TSPAN1: variants seen among roughly 807,000 people sequenced by gnomAD.
TSPAN1 encodes tetraspanin-1.
Under a neutral mutation model 26.9 loss-of-function variants are expected in TSPAN1, and 23 were observed. The ratio of observed to expected loss-of-function variants is 0.85; its 90% CI spans 0.62 to 1.21. The LOEUF is 1.21. Ranked by LOEUF, TSPAN1 falls within the 50% of genes most tolerant of loss-of-function variation. The pLI is 0.00. For missense variants in TSPAN1, 283 were observed against 298.4 expected (o/e 0.95, Z 0.38); for synonymous variants, 115 against 114.8 (o/e 1.00, Z -0.01).
downstream of TSPAN1, chr1:46,190,523 G>A (rs2148172583): frequency 6.2e-7 from 1 of 1,603,418 alleles, no homozygotes; most frequent in Non-Finnish European, 8.5e-7. Context: ...TCAGACTGAA[G>A]AGGAGGGAGA....
At chr1:46,183,942 C>T in intron 3 of TSPAN1, 1 of 560,440 alleles carries the variant, frequency 1.8e-6, no homozygotes, top group Non-Finnish European at 3.2e-6. Context: ...TCTGCCCACC[C>T]TGAGGATATT....
At chr1:46,176,585 G>T in intron 1 of TSPAN1, 1 of 1,313,946 alleles carries the variant, frequency 7.6e-7, no homozygotes, top group Non-Finnish European at 1.0e-6. Flanking sequence ...CAAGTCGTGG[G>T]CCCTGGCCCC....
downstream of TSPAN1, chr1:46,189,032 G>C (rs1322611013): frequency 1.3e-6 from 2 of 1,571,536 alleles, no homozygotes; most frequent in Non-Finnish European, 8.6e-7. Flanking sequence ...GGATCGTAAT[G>C]ATTCCCAGGT....
Position 46,178,426 on chromosome 1 carries a change from G to A in TSPAN1, c.-141-2100G>A, listed in dbSNP as rs140264116. Among the ~76,000 whole-genome samples the A allele has an allele frequency of 3.6e-3, 531 of 145,776 alleles. 3 individuals carry two copies. The highest frequency in any genetic ancestry group is 0.027 in the East Asian group (133 of 4,980). Reference sequence around the variant, plus strand: ...CCCTTCTTCCTTTCCCCCTTACTCTGCTCCTCAAATGCCCCCTTCCCAACT... The same window carrying A: ...CCCTTCTTCCTTTCCCCCTTACTCTACTCCTCAAATGCCCCCTTCCCAACT... On this transcript the variant is annotated intron_variant, in intron 1 of 8. Transcript: ENST00000372003.
chr1:46,188,885 G>A, downstream of TSPAN1: 1 of 1,612,860 alleles, frequency 6.2e-7, no homozygotes, highest in Non-Finnish European at 8.5e-7. Context: ...CCTCAGGGCA[G>A]CATTCCAGCC....
chr1:46,188,256 A>G (rs886155074), downstream of TSPAN1, among the ~76,000 whole-genome samples: 4 of 152,132 alleles, frequency 2.6e-5, no homozygotes, highest in Non-Finnish European at 2.9e-5. Flanking sequence ...CCGTCTCTTG[A>G]ATGATGCCTG....
chr1:46,189,646 C>A (rs901088791), downstream of TSPAN1: 7 of 1,558,770 alleles, frequency 4.5e-6, no homozygotes, highest in African/African-American at 8.1e-5. Flanking sequence ...TTGGCCCAGC[C>A]CCCACCCCTC....
downstream of TSPAN1, chr1:46,189,919 T>C (rs1049658707): frequency 1.9e-6 from 3 of 1,613,908 alleles, no homozygotes; most frequent in South Asian, 3.3e-5. Flanking sequence ...GCCACGTAGG[T>C]GTGGCCCTCT....
At chr1:46,189,092 C>T (rs1270532943), downstream of TSPAN1, 1 of 1,505,148 alleles carries the variant, frequency 6.6e-7, no homozygotes, top group Non-Finnish European at 8.8e-7. Context: ...ACTTTTAACT[C>T]AGGAACGGGG....
In TSPAN1 at chr1:46,185,743, G is replaced by T; in HGVS notation, c.*210G>T. 1.6e-6 allele frequency: 1 copy of T among 618,506 alleles called. No individual in the cohort carries two copies. Among genetic ancestry groups the T allele is most frequent in the Non-Finnish European group, 2.8e-6 (1 of 351,968 alleles). The allele number at this position is 618,506 out of a possible 1,614,324, so 38.3% of individuals were successfully genotyped here. On this transcript the variant is annotated 3_prime_UTR_variant, in exon 9 of 9. Coordinates refer to ENST00000372003, the MANE Select transcript of TSPAN1 (RefSeq NM_005727.4). ...TCCTTCCATTGGTGGGTGGATGGGT[G>T]GGGGGCATTCCAGAGCCTCTAAGGT...
rs141816531 is a variant in TSPAN1 at position 46,179,964 on chromosome 1, A to AGTGTGT, written c.-141-543_-141-538dup. The stretch of plus-strand genomic sequence containing the variant: ...GAGAGACAGAGAAAGAGAAAGAGGG[A>AGTGTGT]GTGTGTGTGTGTGTGTGTGTGTGTT... On this transcript the variant is annotated intron_variant, in intron 1 of 8. Coordinates refer to ENST00000372003, the MANE Select transcript of TSPAN1 (RefSeq NM_005727.4). Among the ~76,000 whole-genome samples the AGTGTGT allele has an allele frequency of 2.1e-3, 315 of 146,886 alleles. 1 individual carries two copies. Among genetic ancestry groups the AGTGTGT allele is most frequent in the African/African-American group, 7.3e-3 (291 of 39,822 alleles).
chr1:46,190,605 A>C (rs941984397), downstream of TSPAN1: 5 of 1,533,470 alleles, frequency 3.3e-6, no homozygotes, highest in Non-Finnish European at 4.5e-6. Context: ...GTCACATGGG[A>C]ATCTGTAGCC....
intron 1 of TSPAN1, among the ~76,000 whole-genome samples, chr1:46,178,373 C>G (rs1223770291): frequency 6.7e-6 from 1 of 149,978 alleles, no homozygotes; most frequent in African/African-American, 2.4e-5. Flanking sequence ...AAAAAATAGA[C>G]CTTCTCCTTC....
At chr1:46,182,800 G>T (rs1371904611) in intron 3 of TSPAN1, among the ~76,000 whole-genome samples, 7 of 150,752 alleles carry the variant, frequency 4.6e-5, no homozygotes, top group Non-Finnish European at 8.8e-5. Context: ...TGTTTTTGTT[G>T]TTGTTGTTGT....
chr1:46,186,674 T>TTG (rs1553162275), downstream of TSPAN1, among the ~76,000 whole-genome samples: 423 of 141,988 alleles, frequency 3.0e-3, 6 homozygotes, highest in African/African-American at 0.011. Context: ...GTTTTTTTTT[T>TTG]TTTTTTTTTG....
the TSPAN1 span, chr1:46,193,630 G>A: frequency 6.2e-7 from 1 of 1,614,196 alleles, no homozygotes; most frequent in East Asian, 2.2e-5. Context: ...AAAGCAGAGA[G>A]CGCAGCATCC....
chr1:46,189,145 T>C, downstream of TSPAN1: 1 of 1,497,054 alleles, frequency 6.7e-7, no homozygotes, highest in Non-Finnish European at 8.9e-7. Flanking sequence ...AGTAATTAAG[T>C]CTCATGTTAA....
Position 46,182,028 on chromosome 1 carries a change from A to T in TSPAN1, c.57+864A>T, listed in dbSNP as rs974513222. 1.1e-4 allele frequency among the ~76,000 whole-genome samples: 17 copies of T among 152,076 alleles called. 1 individual carries two copies. Among genetic ancestry groups the T allele is most frequent in the Admixed American group, 4.6e-4 (7 of 15,258 alleles). On this transcript the variant is annotated intron_variant, in intron 3 of 8. Coordinates refer to ENST00000372003, the MANE Select transcript of TSPAN1 (RefSeq NM_005727.4). Reference sequence around the variant, plus strand: ...GGACAAAGGACAAAGCTCTAGGATGATGGCTGAGGGGTAGAAGAAGGGGCA... The same window carrying T: ...GGACAAAGGACAAAGCTCTAGGATGTTGGCTGAGGGGTAGAAGAAGGGGCA...
intron 4 of TSPAN1, 73 bp from the exon 5 acceptor site, chr1:46,184,521 G>T: frequency 6.2e-7 from 1 of 1,604,378 alleles, no homozygotes; most frequent in Non-Finnish European, 8.5e-7. Context: ...CACTTTTCCG[G>T]GGGGGGGATT....
Sources: gnomAD v4.1 joint callset for allele counts (sites outside exome capture counted in the v4.1 genomes callset) on GRCh38, gnomAD v4.1.1 for gene constraint, MANE v1.5 for transcripts, NCBI Gene and HGNC (gene_info 2026-07-23, HGNC 2026-07-21) for gene names.